The following CUL4A variants were observed in gnomAD, a reference collection of about 807,000 sequenced individuals.
CUL4A encodes cullin 4A.
In CUL4A, 16 loss-of-function variants were observed where a neutral mutation model predicts 95.5. The observed-to-expected ratio is 0.17, with a 90% CI of 0.11 to 0.25. The LOEUF (loss-of-function observed/expected upper bound fraction) is 0.25. Ranked by LOEUF, CUL4A falls within the 10% of genes least tolerant of loss-of-function variation. The pLI is 1.00. For synonymous variants in CUL4A, 380 were observed against 353.1 expected (o/e 1.08, Z -0.85); for missense variants, 610 against 937.0 (o/e 0.65, Z 4.56).
chr13:113,236,122 CAGTA>C (rs1258076965), intron 8 of CUL4A, among the ~76,000 whole-genome samples: 12 of 152,102 alleles, frequency 7.9e-5, no homozygotes, highest in Non-Finnish European at 1.5e-4. Context: ...GAACTGGACT[CAGTA>C]AGGTGCGGAA....
chr13:113,246,517 A>G (rs1452858723), intron 15 of CUL4A, among the ~76,000 whole-genome samples: 1 of 152,206 alleles, frequency 6.6e-6, no homozygotes, highest in Admixed American at 6.5e-5. Flanking sequence ...AGCAGGAGAT[A>G]CAATACATGC....
intron 3 of CUL4A, among the ~76,000 whole-genome samples, chr13:113,224,343 A>G (rs987457806): frequency 6.7e-6 from 1 of 150,132 alleles, no homozygotes; most frequent in African/African-American, 2.5e-5. Context: ...ACAGAGCGAG[A>G]CTCCATCTCA....
intron 11 of CUL4A, among the ~76,000 whole-genome samples, chr13:113,244,067 A>T (rs1003470006): frequency 6.6e-6 from 1 of 152,224 alleles, no homozygotes; most frequent in Non-Finnish European, 1.5e-5. Flanking sequence ...ATGACACCAG[A>T]TCCTAGAAAT....
intron 1 of CUL4A, 88 bp downstream of exon 1, chr13:113,209,863 C>A: frequency 8.7e-7 from 1 of 1,143,638 alleles, no homozygotes; most frequent in Non-Finnish European, 1.1e-6. Context: ...GCCCCGAGAT[C>A]CGTGCGGGCC....
At chr13:113,253,731 G>A (rs920294472) in intron 16 of CUL4A, among the ~76,000 whole-genome samples, 2 of 152,036 alleles carry the variant, frequency 1.3e-5, no homozygotes, top group Non-Finnish European at 2.9e-5. Context: ...ACATTTTCAC[G>A]GATTAATGAA....
intron 2 of CUL4A, among the ~76,000 whole-genome samples, chr13:113,211,744 A>G (rs979729115): frequency 3.9e-5 from 6 of 152,146 alleles, no homozygotes; most frequent in South Asian, 2.1e-4. Flanking sequence ...GTTTGGACAT[A>G]TATTCTTACT....
In CUL4A at chr13:113,257,946, C is replaced by T. The variant is rs146832517; in HGVS notation, c.2032-2661C>T. ...TTATCACCTTATTATGTATCAAATT[C>T]ATATAGGTCAGTTTCTCAATTCTCT... On this transcript the variant is annotated intron_variant, in intron 18 of 19. Coordinates refer to ENST00000375440, the MANE Select transcript of CUL4A (RefSeq NM_001008895.4). Among the ~76,000 whole-genome samples, 44 of 152,186 alleles carry T rather than the reference C, an allele frequency of 2.9e-4. No homozygotes were observed. In the East Asian group the frequency reaches 7.7e-3, roughly 27 times the overall value.
intron 7 of CUL4A, among the ~76,000 whole-genome samples, chr13:113,234,332 A>G (rs1446619655): frequency 6.6e-6 from 1 of 152,238 alleles, no homozygotes; most frequent in Non-Finnish European, 1.5e-5. Flanking sequence ...TGTGTGAAGC[A>G]CTGCAAAAAA....
At chr13:113,227,627 C>T (rs772361029) in intron 3 of CUL4A, among the ~76,000 whole-genome samples, 17 of 152,266 alleles carry the variant, frequency 1.1e-4, no homozygotes, top group East Asian at 7.7e-4. Context: ...TAATAATGGC[C>T]GGTTGCGGTG....
chr13:113,251,471 GGGATTGGTTT>G, intron 15 of CUL4A, among the ~76,000 whole-genome samples: 1 of 152,284 alleles, frequency 6.6e-6, no homozygotes, highest in African/African-American at 2.4e-5. Context: ...TGGGAGAGGA[GGGATTGGTTT>G]GGATTTGTGT....
In CUL4A at chr13:113,253,105, T is replaced by C; in HGVS notation, c.1662T>C (p.Phe554=). 3 of 1,604,676 alleles carry C rather than the reference T, an allele frequency of 1.9e-6. No individual in the cohort carries two copies. The East Asian group carries it at 6.7e-5, about 36-fold the overall frequency. ...AGATGATTAAACTTCAGGAAGTATTTAAGGCATTTTATCTTGGAAAGCACA... is the reference window on the plus strand; with the variant it reads ...AGATGATTAAACTTCAGGAAGTATTCAAGGCATTTTATCTTGGAAAGCACA... ...TPEMIKLQEV[F]KAFYLGKHSG... The change falls in exon 16 of 20, where the codon TTT becomes TTC. Residue 554 remains phenylalanine (F), a synonymous_variant. Coordinates refer to ENST00000375440, the MANE Select transcript of CUL4A (RefSeq NM_001008895.4).
intron 5 of CUL4A, chr13:113,229,847 G>T (rs574734217): frequency 1.7e-5 from 8 of 466,220 alleles, no homozygotes; most frequent in Non-Finnish European, 3.7e-6. Flanking sequence ...GTTGAAACTC[G>T]GAGAAAGACT....
At chr13:113,235,331 G>A (rs2041503902) in intron 8 of CUL4A, among the ~76,000 whole-genome samples, 186 bp downstream of exon 8, 1 of 152,210 alleles carries the variant, frequency 6.6e-6, no homozygotes, top group African/African-American at 2.4e-5. Context: ...TTTACCCAGT[G>A]CCTTGTCATG....
chr13:113,244,233 A>G (rs2041798298), intron 11 of CUL4A, 177 bp from the exon 12 acceptor site: 3 of 553,364 alleles, frequency 5.4e-6, no homozygotes, highest in Non-Finnish European at 9.7e-6. Flanking sequence ...AATTTTGGCA[A>G]GTATTTACTC....
chr13:113,260,021 T>C (rs1278061915), intron 18 of CUL4A, among the ~76,000 whole-genome samples: 1 of 148,538 alleles, frequency 6.7e-6, no homozygotes, highest in African/African-American at 2.5e-5. Flanking sequence ...CTGGCTAACA[T>C]GGTGAAACCC....
rs1050484103 is a variant in CUL4A at position 113,242,897 on chromosome 13, A to G, written c.1036-71A>G. On this transcript the variant is annotated intron_variant, in intron 10 of 19. Coordinates refer to ENST00000375440, the MANE Select transcript of CUL4A (RefSeq NM_001008895.4). ...ATTTATGTTAAACTATCCTGATTAT[A>G]TGATAGCAGGAGAAGATACTGTTTG... 12 of 1,200,884 alleles carry G rather than the reference A, an allele frequency of 1.0e-5. No homozygotes were observed. The Admixed American group carries it at 1.2e-4, about 12-fold the overall frequency. 74.4% of individuals were successfully genotyped at this position (1,200,884 alleles called of 1,614,324 possible).
chr13:113,223,828 G>A (rs1013342507), intron 3 of CUL4A, among the ~76,000 whole-genome samples: 2 of 152,250 alleles, frequency 1.3e-5, no homozygotes, highest in South Asian at 2.1e-4. Context: ...CATCTTCTTC[G>A]TTTACCACAT....
At chr13:113,215,926 C>A (rs28628776) in intron 2 of CUL4A, among the ~76,000 whole-genome samples, 8 of 109,214 alleles carry the variant, frequency 7.3e-5, no homozygotes, top group Admixed American at 2.8e-4. Flanking sequence ...GTGGCTGTGG[C>A]GGTCTCTGTG....
chr13:113,245,991 C>A lies in CUL4A; in HGVS notation c.1566C>A (p.Asp522Glu). 6.2e-7 allele frequency: 1 copy of A among 1,613,910 alleles called. No individual in the cohort carries two copies. The highest frequency in any genetic ancestry group is 8.5e-7 in the Non-Finnish European group (1 of 1,179,940). Residue 522 changes from aspartate to glutamate, a missense_variant, in exon 15 of 20, where the codon GAC (aspartate) becomes GAA (glutamate). By Grantham distance (45) the Asp-to-Glu change is conservative (BLOSUM62 2). Coordinates refer to ENST00000375440, the MANE Select transcript of CUL4A (RefSeq NM_001008895.4). The stretch of plus-strand genomic sequence containing the variant: ...ATCAGAGTGACTCAGGCCCTATAGA[C>A]CTCACAGTGAACATACTCACAATGG... ...MQNQSDSGPI[D>E]LTVNILTMGY...
Sources: allele counts gnomAD v4.1 joint callset (sites outside exome capture counted in the v4.1 genomes callset), GRCh38; gene constraint gnomAD v4.1.1; transcripts MANE v1.5; gene names NCBI Gene and HGNC (gene_info 2026-07-23, HGNC 2026-07-21).